Variants in TMEM232 observed in about 807,000 individuals in gnomAD.
The protein encoded by TMEM232 is transmembrane protein 232.
A neutral mutation model predicts 78.8 loss-of-function variants in TMEM232; 80 were observed. The observed-to-expected ratio is 1.01, with a 90% CI of 0.85 to 1.22. The LOEUF is 1.22. Among genes scored for constraint, TMEM232 ranks in the 50% most tolerant of loss-of-function variants. The pLI, the probability that TMEM232 is intolerant of heterozygous loss-of-function variation, is 0.00. For synonymous variants in TMEM232, 297 were observed against 254.3 expected, an observed-to-expected ratio of 1.17 and a Z score of -1.60; for missense variants, 881 against 742.2, an observed-to-expected ratio of 1.19 and a Z score of -2.17.
rs1329189021 is a variant in TMEM232, at chr5:110,640,872, A to G, written c.343+19T>C. The G allele has an allele frequency of 2.0e-6, 3 of 1,465,718 alleles. No individual in the cohort carries two copies. In the East Asian group the frequency reaches 7.8e-5, roughly 38 times the overall value. 90.8% of individuals were successfully genotyped at this position (1,465,718 alleles called of 1,614,324 possible). ...ATAGAAAATACTTAGGATGCCTAAT[A>G]AGAATTTAAAGTACGTACCATCTTG... On this transcript the variant is annotated intron_variant, in intron 4 of 13. Transcript: ENST00000455884.
chr5:110,733,564 T>G (rs152322), intron 2 of TMEM232, among the ~76,000 whole-genome samples: 117,715 of 152,076 alleles, frequency 0.77, 47,656 homozygotes, highest in South Asian at 0.91. Context: ...CCATTATCCT[T>G]AGCAAACTAA....
chr5:110,564,524 G>C (rs960556102), intron 11 of TMEM232, among the ~76,000 whole-genome samples: 4 of 151,966 alleles, frequency 2.6e-5, no homozygotes, highest in Non-Finnish European at 5.9e-5. Flanking sequence ...AACATACTGT[G>C]TAATGGAAAA....
chr5:110,417,612 CTTTTTCTTTTTTT>C (rs997163785), downstream of TMEM232: 57 of 118,698 alleles, frequency 4.8e-4, no homozygotes, highest in Non-Finnish European at 6.8e-4. Flanking sequence ...AAACTTTTTT[CTTTTTCTTTTTTT>C]TTTTTTTTTT....
At chr5:110,470,760 T>C (rs997988425) in intron 12 of TMEM232, among the ~76,000 whole-genome samples, 9 of 152,136 alleles carry the variant, frequency 5.9e-5, no homozygotes, top group Non-Finnish European at 8.8e-5. Context: ...AAAGCCACTT[T>C]CTAAAGTTTA....
At chr5:110,702,449 A>ACT (rs1361554095) in intron 1 of TMEM232, among the ~76,000 whole-genome samples, 1 of 151,558 alleles carries the variant, frequency 6.6e-6, no homozygotes, top group Non-Finnish European at 1.5e-5. Flanking sequence ...TATGTATCTC[A>ACT]CTCTGTAGAA....
chr5:110,493,785 T>C (rs1375534189), intron 12 of TMEM232, among the ~76,000 whole-genome samples: 1 of 131,030 alleles, frequency 7.6e-6, no homozygotes, highest in Non-Finnish European at 1.5e-5. Context: ...GCCAAATATC[T>C]TTTTTTTTTT....
chr5:110,388,051 A>C (rs1755049030), exon 5 of TMEM232: 1 of 152,174 alleles, frequency 6.6e-6, no homozygotes, highest in African/African-American at 2.4e-5. Context: ...CGGAAAGTTT[A>C]ATCTGTAAAA....
rs116296426 is a variant in TMEM232 at position 110,431,353 on chromosome 5, C to T, written c.1704-6437G>A. Among the ~76,000 whole-genome samples the T allele has an allele frequency of 3.0e-3, 449 of 151,392 alleles. 6 individuals are homozygous for T. The highest frequency in any genetic ancestry group is 0.01 in the African/African-American group (416 of 41,360). ...GGACTCCTGAAAATTTACACTCTGG[C>T]GTTATGTTTGAATCACATGTAGATT... On this transcript the variant is annotated intron_variant, in intron 12 of 13. Coordinates refer to ENST00000455884, the MANE Select transcript of TMEM232 (RefSeq NM_001039763.4).
At chr5:110,702,207 A>G (rs140849753) in intron 1 of TMEM232, among the ~76,000 whole-genome samples, 22 of 152,130 alleles carry the variant, frequency 1.4e-4, no homozygotes, top group African/African-American at 4.8e-4. Context: ...TTTGGGCCAT[A>G]TTTGGGCTGC....
chr5:110,724,730 T>C (rs1328272897), intron 1 of TMEM232, among the ~76,000 whole-genome samples: 1 of 152,212 alleles, frequency 6.6e-6, no homozygotes, highest in African/African-American at 2.4e-5. Context: ...ATTCACCAAA[T>C]AGTTAAATGA....
At chr5:110,715,539 G>A (rs762603716) in intron 1 of TMEM232, among the ~76,000 whole-genome samples, 19 of 152,230 alleles carry the variant, frequency 1.2e-4, no homozygotes, top group Admixed American at 2.6e-4. Flanking sequence ...TAAAATATCC[G>A]AATATCTTTA....
At chr5:110,553,323 T>G (rs1774687439) in intron 11 of TMEM232, among the ~76,000 whole-genome samples, 2 of 152,194 alleles carry the variant, frequency 1.3e-5, no homozygotes, top group Admixed American at 6.6e-5. Flanking sequence ...CTTTGGGCAG[T>G]ATGGCCATTT....
At chr5:110,460,309 GTGTA>G (rs1761375147) in intron 12 of TMEM232, among the ~76,000 whole-genome samples, 1 of 151,958 alleles carries the variant, frequency 6.6e-6, no homozygotes, top group South Asian at 2.1e-4. Context: ...GTGTGTGTGT[GTGTA>G]TGTGTGTGTA....
At chr5:110,694,311 A>G (rs1237054591) in intron 1 of TMEM232, among the ~76,000 whole-genome samples, 1 of 152,192 alleles carries the variant, frequency 6.6e-6, no homozygotes, top group African/African-American at 2.4e-5. Context: ...GAAGCACTCA[A>G]CATGGAAAGG....
chr5:110,519,319 A>T (rs914088285), intron 12 of TMEM232, among the ~76,000 whole-genome samples: 1 of 152,154 alleles, frequency 6.6e-6, no homozygotes, highest in African/African-American at 2.4e-5. Context: ...TGGGAAAAAT[A>T]AAAATTTGAC....
chr5:110,419,439 C>T (rs1039031128), downstream of TMEM232, among the ~76,000 whole-genome samples: 1 of 152,010 alleles, frequency 6.6e-6, no homozygotes, highest in Admixed American at 6.5e-5. Context: ...CAAACTTTGG[C>T]CCATGGATAA....
At chr5:110,701,729 T>G (rs1021312085) in intron 1 of TMEM232, among the ~76,000 whole-genome samples, 1 of 152,012 alleles carries the variant, frequency 6.6e-6, no homozygotes, top group Non-Finnish European at 1.5e-5. Context: ...CAACTTATCT[T>G]TTGTAAATAT....
chr5:110,721,362 A>G (rs1359381932), intron 1 of TMEM232, among the ~76,000 whole-genome samples: 5 of 151,894 alleles, frequency 3.3e-5, no homozygotes, highest in Non-Finnish European at 7.4e-5. Flanking sequence ...TGGTTCTATC[A>G]TGGGCAATAC....
At chr5:110,721,294 C>G (rs1797576268) in intron 1 of TMEM232, among the ~76,000 whole-genome samples, 1 of 152,054 alleles carries the variant, frequency 6.6e-6, no homozygotes, top group Non-Finnish European at 1.5e-5. Context: ...CCCTGGCATT[C>G]AGCTTTCTAA....
Sources: allele counts gnomAD v4.1 joint callset (sites outside exome capture counted in the v4.1 genomes callset), GRCh38; gene constraint gnomAD v4.1.1; transcripts MANE v1.5; gene names NCBI Gene and HGNC (gene_info 2026-07-23, HGNC 2026-07-21).